PACRG: variants seen among roughly 807,000 people sequenced by gnomAD.
PACRG encodes parkin coregulated gene protein.
In PACRG, 29 loss-of-function variants were observed where a neutral mutation model predicts 29.7. That is an observed-to-expected ratio of 0.98 (90% CI 0.73 to 1.33). The LOEUF (loss-of-function observed/expected upper bound fraction) is 1.33, where lower values mean the gene tolerates loss of function less well. Among genes scored for constraint, PACRG ranks in the 40% most tolerant of loss-of-function variants. The pLI is 0.00. For synonymous variants in PACRG, 116 were observed against 118.7 expected (o/e 0.98, Z 0.15); for missense variants, 279 against 316.2 (o/e 0.88, Z 0.89).
chr6:162,788,371 T>C (rs890896513), intron 1 of PACRG, among the ~76,000 whole-genome samples: 1 of 151,916 alleles, frequency 6.6e-6, no homozygotes, highest in Non-Finnish European at 1.5e-5. Context: ...CTGAATAATA[T>C]TCCATTATTT....
intron 2 of PACRG, among the ~76,000 whole-genome samples, chr6:162,842,168 G>C (rs1268750145): frequency 6.7e-6 from 1 of 149,844 alleles, no homozygotes; most frequent in Admixed American, 6.7e-5. Flanking sequence ...TTTCTATCTC[G>C]TTGATCTGTC....
chr6:162,727,315 A>AGGTGAGGGGCGGCGGCGGGGCGAC, upstream of PACRG: 6 of 347,810 alleles, frequency 1.7e-5, no homozygotes, highest in East Asian at 5.8e-5. Flanking sequence ...GGCGGGGCGA[A>AGGTGAGGGGCGGCGGCGGGGCGAC]GGTGAGGGGC....
chr6:162,947,016 C>T (rs768052123), intron 2 of PACRG, among the ~76,000 whole-genome samples: 1 of 151,750 alleles, frequency 6.6e-6, no homozygotes, highest in Non-Finnish European at 1.5e-5. Flanking sequence ...ACACAGCTAA[C>T]ATCATACTAA....
rs537005284 is a variant in PACRG, at chr6:162,876,202, TAGGTGGATTTG to T, written c.291+61925_291+61935del. On this transcript the variant is annotated intron_variant, in intron 2 of 4. Coordinates refer to ENST00000366888, the MANE Select transcript of PACRG (RefSeq NM_001080379.2). ...AGCAATGACAAGTGGAACCTCATTGTAGGTGGATTTGAGGGAGACTTTACACTACTGTGAAG... is the reference window on the plus strand; with the variant it reads ...AGCAATGACAAGTGGAACCTCATTGTAGGGAGACTTTACACTACTGTGAAG... 8.5e-5 allele frequency among the ~76,000 whole-genome samples: 13 copies of T among 152,258 alleles called. No individual in the cohort carries two copies. The East Asian group carries it at 2.5e-3, about 29-fold the overall frequency.
intron 2 of PACRG, among the ~76,000 whole-genome samples, chr6:162,931,597 T>G (rs951188906): frequency 6.6e-6 from 1 of 152,002 alleles, no homozygotes; most frequent in Non-Finnish European, 1.5e-5. Flanking sequence ...TGGATTGCCT[T>G]TGTACTTTTG....
intron 2 of PACRG, among the ~76,000 whole-genome samples, chr6:163,041,207 G>C (rs1808672266): frequency 6.6e-6 from 1 of 152,052 alleles, no homozygotes. Context: ...CGTGGTGGCG[G>C]GCGCCTGTAG....
intron 2 of PACRG, among the ~76,000 whole-genome samples, chr6:162,818,140 G>C (rs1787518315): frequency 6.6e-6 from 1 of 152,006 alleles, no homozygotes; most frequent in Admixed American, 6.5e-5. Flanking sequence ...TGTTTCTTTT[G>C]CTACATTTTC....
chr6:162,977,981 T>TA (rs1387872262), intron 2 of PACRG, among the ~76,000 whole-genome samples: 1 of 150,576 alleles, frequency 6.6e-6, no homozygotes, highest in African/African-American at 2.5e-5. Flanking sequence ...CCATCTCTAC[T>TA]AAAAATACAA....
At chr6:163,143,351 C>T (rs988182662) in intron 4 of PACRG, among the ~76,000 whole-genome samples, 15 of 152,302 alleles carry the variant, frequency 9.8e-5, no homozygotes, top group African/African-American at 3.6e-4. Flanking sequence ...ACCATGGCTT[C>T]GTGGTTTCCA....
At chr6:163,017,599 C>T (rs1421002179) in intron 2 of PACRG, among the ~76,000 whole-genome samples, 1 of 151,730 alleles carries the variant, frequency 6.6e-6, no homozygotes, top group East Asian at 1.9e-4. Context: ...AAAGTGAATG[C>T]AGAGAAATAG....
chr6:162,906,247 A>C (rs999653998), intron 2 of PACRG, among the ~76,000 whole-genome samples: 1 of 152,242 alleles, frequency 6.6e-6, no homozygotes, highest in Non-Finnish European at 1.5e-5. Context: ...AATAGGAAAC[A>C]TGTAAATGTC....
chr6:163,278,342 G>C (rs1338725601), intron 4 of PACRG, among the ~76,000 whole-genome samples: 1 of 152,082 alleles, frequency 6.6e-6, no homozygotes, highest in Non-Finnish European at 1.5e-5. Context: ...GTTTAATTAA[G>C]TCCCATCTAT....
chr6:162,766,479 A>G (rs1330369569), intron 1 of PACRG, among the ~76,000 whole-genome samples: 1 of 152,180 alleles, frequency 6.6e-6, no homozygotes, highest in African/African-American at 2.4e-5. Flanking sequence ...GGTTGCTTCC[A>G]TATCTTAGAT....
At chr6:163,057,318 T>C (rs1405879107) in intron 2 of PACRG, among the ~76,000 whole-genome samples, 6 of 152,230 alleles carry the variant, frequency 3.9e-5, no homozygotes, top group Admixed American at 3.3e-4. Context: ...GGATAAATCA[T>C]AATAGGACCA....
chr6:162,983,577 G>T (rs569751167), intron 2 of PACRG, among the ~76,000 whole-genome samples: 1 of 151,812 alleles, frequency 6.6e-6, no homozygotes, highest in Non-Finnish European at 1.5e-5. Context: ...AATCAGTTTT[G>T]CTGGATACGA....
chr6:162,838,915 C>T (rs1789500247), intron 2 of PACRG, among the ~76,000 whole-genome samples: 1 of 147,962 alleles, frequency 6.8e-6, no homozygotes, highest in Admixed American at 6.8e-5. Context: ...CTACAAAGGA[C>T]ATGAACTCAT....
chr6:162,996,947 C>G (rs1171535020), intron 2 of PACRG, among the ~76,000 whole-genome samples: 1 of 152,068 alleles, frequency 6.6e-6, no homozygotes, highest in Admixed American at 6.6e-5. Flanking sequence ...TCATTAAACT[C>G]CAGGGAGACA....
At chr6:163,215,917 G>A (rs527989653) in intron 4 of PACRG, among the ~76,000 whole-genome samples, 1 of 152,204 alleles carries the variant, frequency 6.6e-6, no homozygotes, top group African/African-American at 2.4e-5. Context: ...CAGCAAAAGC[G>A]ATTTCCAGGA....
intron 3 of PACRG, among the ~76,000 whole-genome samples, chr6:163,072,287 C>T (rs577472570): frequency 2.6e-5 from 4 of 152,196 alleles, no homozygotes; most frequent in South Asian, 4.1e-4. Context: ...AAGGATGTTA[C>T]GATATATGCA....
Sources: gnomAD v4.1 joint callset for allele counts (sites outside exome capture counted in the v4.1 genomes callset) on GRCh38, gnomAD v4.1.1 for gene constraint, MANE v1.5 for transcripts, NCBI Gene and HGNC (gene_info 2026-07-23, HGNC 2026-07-21) for gene names.